Variants in SRPRB observed in about 807,000 individuals in gnomAD.
SRPRB encodes signal recognition particle receptor subunit beta.
SRPRB carries 20 observed loss-of-function variants against 31.9 expected under a neutral mutation model. The observed-to-expected ratio is 0.63, with a 90% CI of 0.44 to 0.91. SRPRB has a LOEUF of 0.91. Among genes scored for constraint, SRPRB ranks in the 40% least tolerant of loss-of-function variants. The probability of loss-of-function intolerance (pLI) is 0.00; values close to 1 mark genes in which losing one functional copy is unlikely to be tolerated. For synonymous variants in SRPRB, 146 were observed against 132.8 expected (o/e 1.10, Z -0.68); for missense variants, 321 against 324.9 (o/e 0.99, Z 0.09).
At chr3:133,818,959 A>G (rs1935415293) in intron 6 of SRPRB, among the ~76,000 whole-genome samples, 1 of 152,214 alleles carries the variant, frequency 6.6e-6, no homozygotes, top group Non-Finnish European at 1.5e-5. Flanking sequence ...TCTGGATAGC[A>G]GAAAGGGGAA....
At position 133,786,537 on chromosome 3, in the gene SRPRB, T is replaced by C. The variant is rs889988018; in HGVS notation, c.-174+2393T>C. ...ATTTTGTTTTACTTATCTGGGTATA[T>C]TGTGGATCTAAAGGACAAATGAGTC... On this transcript the variant is annotated intron_variant, in intron 1 of 7. Transcript: ENST00000466490. 5 of 152,362 alleles carry C rather than the reference T, an allele frequency of 3.3e-5. No individual in the cohort carries two copies. The East Asian group carries it at 5.8e-4, about 18-fold the overall frequency. The allele number at this position is 152,362 out of a possible 1,614,324, so 9.4% of individuals were successfully genotyped here.
At chr3:133,814,121 A>G (rs1208802466) in intron 4 of SRPRB, among the ~76,000 whole-genome samples, 1 of 151,340 alleles carries the variant, frequency 6.6e-6, no homozygotes, top group Middle Eastern at 3.2e-3. Flanking sequence ...ACCCTTGTCC[A>G]TAAGGCTTGT....
intron 1 of SRPRB, chr3:133,791,637 C>G (rs1390940469): frequency 6.6e-6 from 1 of 152,116 alleles, no homozygotes; most frequent in African/African-American, 2.4e-5. Flanking sequence ...AAGAGGGGTA[C>G]CTTAGAATAA....
intron 3 of SRPRB, among the ~76,000 whole-genome samples, chr3:133,808,316 T>G (rs1935199101): frequency 6.7e-6 from 1 of 148,158 alleles, no homozygotes; most frequent in Admixed American, 6.9e-5. Flanking sequence ...CTGTATATCC[T>G]TTATTGTTGT....
Position 133,814,430 on chromosome 3 carries a change from C to T in SRPRB, c.411-1160C>T, listed in dbSNP as rs575355331. On this transcript the variant is annotated intron_variant, in intron 4 of 6. Transcript: ENST00000678299. The stretch of plus-strand genomic sequence containing the variant: ...ACAGGCGTGAGCCACCGCGCCTGGC[C>T]GGTTTTTTTGTTTTTTTGTTTTCTT... Among the ~76,000 whole-genome samples the T allele has an allele frequency of 7.2e-4, 108 of 150,842 alleles. 4 individuals carry two copies. The South Asian group carries it at 0.019, about 26-fold the overall frequency.
chr3:133,807,221 A>G (rs1046884265), intron 2 of SRPRB, among the ~76,000 whole-genome samples: 4 of 129,932 alleles, frequency 3.1e-5, no homozygotes, highest in African/African-American at 1.1e-4. Flanking sequence ...AGTATAAATT[A>G]TTTCCCTTCC....
chr3:133,807,357 G>A (rs1175853805), intron 2 of SRPRB, among the ~76,000 whole-genome samples: 2 of 148,392 alleles, frequency 1.3e-5, no homozygotes, highest in Non-Finnish European at 3.0e-5. Context: ...GGACTCAGAT[G>A]ATTCTCCCAC....
chr3:133,828,322 A>G (rs1056954525), downstream of SRPRB: 10 of 364,880 alleles, frequency 2.7e-5, no homozygotes, highest in African/African-American at 1.7e-4. Context: ...TGCTCAGTTA[A>G]TTGTTTTAAT....
At position 133,816,947 on chromosome 3, in the gene SRPRB, G is replaced by A. The variant is rs1209388868; in HGVS notation, c.602+15G>A. On this transcript the variant is annotated intron_variant, in intron 6 of 6. Coordinates refer to ENST00000678299, the MANE Select transcript of SRPRB (RefSeq NM_001379313.1). Reference sequence around the variant, plus strand: ...GAGAAAGAACTGTAAGTGTGAAAGAGGCCTGTTGGTTAATTATATATCTTA... The same window carrying A: ...GAGAAAGAACTGTAAGTGTGAAAGAAGCCTGTTGGTTAATTATATATCTTA... The A allele has an allele frequency of 6.2e-7, 1 of 1,605,302 alleles. No individual in the cohort carries two copies. The highest frequency in any genetic ancestry group is 8.5e-7 in the Non-Finnish European group (1 of 1,176,062).
At chr3:133,814,239 C>T (rs1027604937) in intron 4 of SRPRB, among the ~76,000 whole-genome samples, 3 of 151,138 alleles carry the variant, frequency 2.0e-5, no homozygotes, top group Admixed American at 2.0e-4. Context: ...TTACGCCATT[C>T]TCCTGCCTCA....
downstream of SRPRB, chr3:133,825,817 T>C (rs1559896105): frequency 6.6e-6 from 1 of 152,224 alleles, no homozygotes; most frequent in African/African-American, 2.4e-5. Context: ...ACGTCTAGTC[T>C]TTGGGGAGAG....
upstream of SRPRB, among the ~76,000 whole-genome samples, chr3:133,800,873 T>G (rs1005315401): frequency 2.0e-5 from 3 of 152,150 alleles, no homozygotes; most frequent in Non-Finnish European, 4.4e-5. Context: ...CATACTATAA[T>G]CTCTTTAAAA....
chr3:133,825,696 C>T (rs1935549908), downstream of SRPRB: 1 of 152,214 alleles, frequency 6.6e-6, no homozygotes, highest in African/African-American at 2.4e-5. Flanking sequence ...ACTCAACTTT[C>T]CTGATGCCTG....
intron 1 of SRPRB, among the ~76,000 whole-genome samples, chr3:133,800,311 A>G (rs1234289399): frequency 6.6e-6 from 1 of 152,238 alleles, no homozygotes. Flanking sequence ...CACCTGAAAA[A>G]TGAATGATTA....
chr3:133,824,026 C>T (rs1400829964), downstream of SRPRB, among the ~76,000 whole-genome samples: 6 of 152,154 alleles, frequency 3.9e-5, no homozygotes, highest in African/African-American at 1.4e-4. Context: ...TGTGGATTTA[C>T]TCTCATGAGT....
rs1387317329 is a variant in SRPRB, at chr3:133,820,655, AG to A, written c.*890del. 3 of 146,136 alleles carry A rather than the reference AG, an allele frequency of 2.1e-5. No individual in the cohort carries two copies. The highest frequency in any genetic ancestry group is 4.5e-5 in the Non-Finnish European group (3 of 66,006). 9.1% of individuals were successfully genotyped at this position (146,136 alleles called of 1,614,324 possible). ...CTGAAGTGCATATTCATTGATGCCA[AG>A]AAAAAAAAAAAGTTGCCTTTTTGAA... On this transcript the variant is annotated 3_prime_UTR_variant, in exon 7 of 7. Transcript: ENST00000678299.
rs1215044287 is a variant in SRPRB at position 133,790,570 on chromosome 3, A to T, written c.-174+6426A>T. ...TTTAAAACCTGATAGAGAATTGGAG[A>T]TATTTGGCTAATTAACATTTTCATA... is the stretch of plus-strand genomic sequence containing the variant. On this transcript the variant is annotated intron_variant, in intron 1 of 7. Coordinates refer to the SRPRB transcript ENST00000466490. 2.0e-5 allele frequency: 3 copies of T among 152,254 alleles called. No individual in the cohort carries two copies. In the East Asian group the frequency reaches 5.8e-4, roughly 29 times the overall value. 9.4% of individuals were successfully genotyped at this position (152,254 alleles called of 1,614,324 possible). A position where few individuals can be genotyped will look rare whatever the true frequency, so the allele number is the denominator to read the frequency against.
upstream of SRPRB, among the ~76,000 whole-genome samples, chr3:133,802,208 C>G (rs571518555): frequency 2.6e-5 from 4 of 151,456 alleles, no homozygotes; most frequent in South Asian, 2.1e-4. Flanking sequence ...AGCTCAAGAC[C>G]AGCCCAGGCA....
chr3:133,826,933 CTA>C (rs1935574427), downstream of SRPRB: 1 of 152,576 alleles, frequency 6.6e-6, no homozygotes, highest in African/African-American at 2.4e-5. Flanking sequence ...AAGTCTATCT[CTA>C]TATATAATTA....
Sources: gnomAD v4.1 joint callset for allele counts (sites outside exome capture counted in the v4.1 genomes callset) on GRCh38, gnomAD v4.1.1 for gene constraint, MANE v1.5 for transcripts, NCBI Gene and HGNC (gene_info 2026-07-23, HGNC 2026-07-21) for gene names.